SUPT6H: variants seen among roughly 807,000 people sequenced by gnomAD.
SUPT6H encodes SPT6 homolog, histone chaperone and transcription elongation factor, also known as transcription elongation factor SPT6.
Under a neutral mutation model 222.3 loss-of-function variants are expected in SUPT6H, and 11 were observed. The observed-to-expected ratio is 0.05, with a 90% CI of 0.03 to 0.08. SUPT6H has a LOEUF of 0.08. Among genes scored for constraint, SUPT6H ranks in the 10% least tolerant of loss-of-function variants. The pLI is 1.00. For synonymous variants in SUPT6H, 762 were observed against 801.2 expected (o/e 0.95, Z 0.83); for missense variants, 1,422 against 2,216.0 (o/e 0.64, Z 7.19).
rs528431473 is a variant in SUPT6H at position 28,688,275 on chromosome 17, G to A, written c.3134+57G>A. The A allele has an allele frequency of 5.3e-5, 84 of 1,579,064 alleles. 1 individual carries two copies. In the African/African-American group the frequency reaches 1.1e-3, roughly 21 times the overall value. ...AATTCCCTTGTGGGCTTTGTTTTCGGGTTTCAGGGGTTAGGGCTATCAAAG... is the reference window on the plus strand; with the variant it reads ...AATTCCCTTGTGGGCTTTGTTTTCGAGTTTCAGGGGTTAGGGCTATCAAAG... On this transcript the variant is annotated intron_variant, in intron 24 of 36. Coordinates refer to ENST00000314616, the MANE Select transcript of SUPT6H (RefSeq NM_003170.5). This position sits in a 1 kb window ranked among gnomAD's most constrained non-coding sequence, Gnocchi z 4.3.
At position 28,677,800 on chromosome 17, in the gene SUPT6H, C is replaced by T. The variant is rs1221841370; in HGVS notation, c.983C>T (p.Pro328Leu). The change falls in exon 8 of 37, where the codon CCA (proline) becomes CTA (leucine). Residue 328 changes from proline to leucine, a missense_variant. This residue lies in a region of SUPT6H where 389 missense variants were observed against 544.6 expected (regional missense o/e 0.71). Transcript: ENST00000314616. ...ATCTACAGGAATGCTTTTGCCACAC[C>T]AACCATTTCTCTCCAGGTACACAAA... ...DWIYRNAFAT[P>L]TISLQESCDY... 4.3e-6 allele frequency: 7 copies of T among 1,614,092 alleles called. No homozygotes were observed. The highest frequency in any genetic ancestry group is 5.9e-6 in the Non-Finnish European group (7 of 1,179,962).
At chr17:28,685,147 G>A (rs1219827515) in intron 19 of SUPT6H, among the ~76,000 whole-genome samples, 186 bp downstream of exon 19, 4 of 152,136 alleles carry the variant, frequency 2.6e-5, no homozygotes, top group Admixed American at 6.5e-5. Flanking sequence ...TATCTAGTAC[G>A]GGATTTGCTT....
At chr17:28,678,781 G>A in intron 10 of SUPT6H, 40 bp from the exon 11 acceptor site, 2 of 1,613,990 alleles carry the variant, frequency 1.2e-6, no homozygotes, top group Non-Finnish European at 1.7e-6. Context: ...AGTCTCCAGG[G>A]CTGAACACAA....
rs1276377653 is a variant in SUPT6H at position 28,684,695 on chromosome 17, G to A, written c.2339G>A (p.Arg780Gln). 4 of 1,614,206 alleles carry A rather than the reference G, an allele frequency of 2.5e-6. No homozygotes were observed. Among genetic ancestry groups the A allele is most frequent in the Non-Finnish European group, 3.4e-6 (4 of 1,180,048 alleles). The change falls in exon 18 of 37, where the codon CGA becomes CAA. Residue 780 changes from arginine to glutamine, a missense_variant. Around this residue, in one of 13 missense-constraint regions of SUPT6H, gnomAD observed 294 missense variants for 382.1 expected, o/e 0.77. Transcript: ENST00000314616. ...FMDENQGKGIRVLGIAFSSAR... is the reference protein window; with the variant it reads ...FMDENQGKGIQVLGIAFSSAR... Reference sequence around the variant, plus strand: ...GACGAGAACCAAGGGAAGGGCATTCGAGTCCTCGGCATTGCTTTCTCCTCT... The same window carrying A: ...GACGAGAACCAAGGGAAGGGCATTCAAGTCCTCGGCATTGCTTTCTCCTCT...
chr17:28,686,770 T>C lies in SUPT6H; in HGVS notation c.2681T>C (p.Met894Thr). Residue 894 changes from methionine to threonine, a missense_variant, in exon 21 of 37, where the codon ATG becomes ACG. Transcript: ENST00000314616. ...LVDNELAILY[M>T]NSKKSEAEFR... Reference sequence around the variant, plus strand: ...GACAACGAGTTGGCCATTCTCTATATGAACAGCAAGAAGTCAGAGGTAATG... The same window carrying C: ...GACAACGAGTTGGCCATTCTCTATACGAACAGCAAGAAGTCAGAGGTAATG... 6.2e-7 allele frequency: 1 copy of C among 1,608,336 alleles called. No individual in the cohort carries two copies. Among genetic ancestry groups the C allele is most frequent in the Non-Finnish European group, 8.5e-7 (1 of 1,177,920 alleles).
chr17:28,699,155 T>C (rs2032038901), intron 32 of SUPT6H, among the ~76,000 whole-genome samples: 1 of 152,216 alleles, frequency 6.6e-6, no homozygotes, highest in Non-Finnish European at 1.5e-5. Context: ...CTTTAGGCAT[T>C]GTGGAACGTG....
chr17:28,679,587 A>G (rs928064563), intron 11 of SUPT6H, among the ~76,000 whole-genome samples: 3 of 151,652 alleles, frequency 2.0e-5, no homozygotes, highest in Non-Finnish European at 4.4e-5. Flanking sequence ...TCAGTGTGTT[A>G]GCCAGGATGG....
Position 28,682,747 on chromosome 17 carries a change from G to A in SUPT6H, c.1618G>A (p.Gly540Arg). 6.2e-7 allele frequency: 1 copy of A among 1,614,198 alleles called. No homozygotes were observed. Among genetic ancestry groups the A allele is most frequent in the Non-Finnish European group, 8.5e-7 (1 of 1,180,040 alleles). ...TTTAGATGGCCTGGCCAAAAAGTTT[G>A]GGCTTACTCCCGAGCAGTTTGGGGA... ...AGLDGLAKKFGLTPEQFGENL... is the reference protein window; with the variant it reads ...AGLDGLAKKFRLTPEQFGENL... The change falls in exon 14 of 37, where the codon GGG becomes AGG. Residue 540 changes from glycine (G) to arginine (R), a missense_variant. This residue lies in a region of SUPT6H where 389 missense variants were observed against 544.6 expected (regional missense o/e 0.71). Transcript: ENST00000314616.
chr17:28,690,067 G>A lies in SUPT6H; in HGVS notation c.3343-15G>A. 3 of 1,603,916 alleles carry A rather than the reference G, an allele frequency of 1.9e-6. No homozygotes were observed. Among genetic ancestry groups the A allele is most frequent in the Non-Finnish European group, 2.6e-6 (3 of 1,174,198 alleles). ...GGGCAGCTGCAAGGCTCTTCTTGATGGGCTTCTTCCCCAGGGCTATGGTGA... is the reference window on the plus strand; with the variant it reads ...GGGCAGCTGCAAGGCTCTTCTTGATAGGCTTCTTCCCCAGGGCTATGGTGA... On this transcript the variant is annotated splice_polypyrimidine_tract_variant and intron_variant, in intron 25 of 36. Transcript: ENST00000314616.
At position 28,678,184 on chromosome 17, in the gene SUPT6H, C is replaced by G; in HGVS notation, c.1108C>G (p.His370Asp). ...KEALGFMRNQ[H>D]FEVPFIAFYR... ...GGCCCTGGGCTTCATGCGAAATCAGCATTTTGAGGTAACACCTCAAGCTCT... is the reference window on the plus strand; with the variant it reads ...GGCCCTGGGCTTCATGCGAAATCAGGATTTTGAGGTAACACCTCAAGCTCT... Residue 370 changes from histidine to aspartate, a missense_variant, in exon 9 of 37, where the codon CAT becomes GAT. By Grantham distance (81) the His-to-Asp change is moderately conservative. This residue lies in a region of SUPT6H where 389 missense variants were observed against 544.6 expected (regional missense o/e 0.71). Transcript: ENST00000314616. 3 of 1,608,686 alleles carry G rather than the reference C, an allele frequency of 1.9e-6. No homozygotes were observed. The highest frequency in any genetic ancestry group is 2.5e-6 in the Non-Finnish European group (3 of 1,178,648).
At chr17:28,677,882 T>C (rs879163350) in intron 8 of SUPT6H, 66 bp downstream of exon 8, 1 of 1,411,286 alleles carries the variant, frequency 7.1e-7, no homozygotes, top group East Asian at 2.3e-5. Flanking sequence ...TGGGGAGCTC[T>C]TCCTCCCCTA....
chr17:28,670,527 T>C (rs946612513), intron 1 of SUPT6H: 1 of 152,214 alleles, frequency 6.6e-6, no homozygotes, highest in African/African-American at 2.4e-5. Flanking sequence ...TATTGTAATA[T>C]ATAAAACGAT....
chr17:28,668,621 T>C (rs1031460686), intron 1 of SUPT6H, among the ~76,000 whole-genome samples: 1 of 152,164 alleles, frequency 6.6e-6, no homozygotes, highest in African/African-American at 2.4e-5. Flanking sequence ...AAAGCTGTTG[T>C]TTTCATCAGG....
intron 1 of SUPT6H, among the ~76,000 whole-genome samples, chr17:28,663,827 C>CTTTTTT (rs1567681347): frequency 2.4e-4 from 2 of 8,406 alleles, no homozygotes; most frequent in African/African-American, 3.3e-4. Flanking sequence ...CTGCCCACTC[C>CTTTTTT]ATTTTTTTTT....
chr17:28,698,982 C>T (rs538726950), intron 32 of SUPT6H, among the ~76,000 whole-genome samples: 5 of 152,210 alleles, frequency 3.3e-5, no homozygotes, highest in Non-Finnish European at 7.3e-5. Flanking sequence ...CCAGGTGCAG[C>T]ATGATAGCTT....
intron 12 of SUPT6H, 32 bp from the exon 13 acceptor site, chr17:28,681,850 G>C: frequency 6.4e-7 from 1 of 1,573,310 alleles, no homozygotes; most frequent in Admixed American, 1.9e-5. Context: ...TTGGAAACTA[G>C]AACCCTAAAT....
chr17:28,667,141 G>A (rs945865298), intron 1 of SUPT6H, among the ~76,000 whole-genome samples: 14 of 150,536 alleles, frequency 9.3e-5, no homozygotes, highest in Non-Finnish European at 1.5e-4. Flanking sequence ...TGAGACGGGC[G>A]GATCACAAGG....
intron 20 of SUPT6H, 109 bp from the exon 21 acceptor site, chr17:28,686,545 C>A: frequency 6.5e-7 from 1 of 1,537,396 alleles, no homozygotes; most frequent in South Asian, 1.2e-5. Flanking sequence ...GATGTTTGAC[C>A]TCATTTTCTT....
chr17:28,683,513 A>G (rs950560948), intron 16 of SUPT6H, 91 bp downstream of exon 16: 24 of 1,586,250 alleles, frequency 1.5e-5, no homozygotes, highest in Admixed American at 7.0e-5. Flanking sequence ...GGGAACCACA[A>G]TTTCAGAGTT....
Sources: gnomAD v4.1 joint callset for allele counts (sites outside exome capture counted in the v4.1 genomes callset) on GRCh38, gnomAD v4.1.1 for gene constraint, gnomAD v4.1.1 regional missense constraint, Gnocchi (gnomAD v3.1) non-coding constraint, MANE v1.5 for transcripts, NCBI Gene and HGNC (gene_info 2026-07-23, HGNC 2026-07-21) for gene names.